CDKN2C: variants seen among roughly 807,000 people sequenced by gnomAD.
CDKN2C encodes the protein cyclin-dependent kinase 4 inhibitor C.
CDKN2C carries 5 observed loss-of-function variants against 11.0 expected under a neutral mutation model. The observed-to-expected ratio is 0.45, with a 90% CI of 0.24 to 0.95. The LOEUF (loss-of-function observed/expected upper bound fraction) is 0.95, where lower values mean the gene tolerates loss of function less well. Ranked by LOEUF, CDKN2C falls within the 40% of genes least tolerant of loss-of-function variation. The probability of loss-of-function intolerance (pLI) is 0.21; values close to 1 mark genes in which losing one functional copy is unlikely to be tolerated. For synonymous variants in CDKN2C, 79 were observed against 88.3 expected (o/e 0.89, Z 0.59); for missense variants, 161 against 211.9 (o/e 0.76, Z 1.49).
At chr1:50,964,087 CT>C (rs1324729547) in intron 1 of CDKN2C, among the ~76,000 whole-genome samples, 2 of 152,134 alleles carry the variant, frequency 1.3e-5, no homozygotes, top group East Asian at 3.9e-4. Context: ...GCCCATTTTT[CT>C]CTAATGTTAC....
At chr1:50,961,285 T>G (rs1645321019) in intron 1 of CDKN2C, among the ~76,000 whole-genome samples, 3 of 152,156 alleles carry the variant, frequency 2.0e-5, no homozygotes, top group Non-Finnish European at 4.4e-5. Context: ...TGATCCGCCC[T>G]CCTCGGCCTC....
At chr1:50,962,592 T>C (rs1645331452) in intron 1 of CDKN2C, among the ~76,000 whole-genome samples, 2 of 152,190 alleles carry the variant, frequency 1.3e-5, no homozygotes, top group African/African-American at 2.4e-5. Context: ...GTTGAGAGTT[T>C]TTCTCTGTAA....
upstream of CDKN2C, chr1:50,970,161 G>A: frequency 1.6e-6 from 1 of 624,984 alleles, no homozygotes; most frequent in Non-Finnish European, 2.8e-6. Flanking sequence ...CAATGGCTCA[G>A]TTTTGCTGAA....
intron 1 of CDKN2C, among the ~76,000 whole-genome samples, chr1:50,972,244 G>T (rs3176464): frequency 2.0e-5 from 3 of 151,878 alleles, no homozygotes; most frequent in African/African-American, 7.3e-5. Flanking sequence ...AGTTGTGGTC[G>T]TATCAATTTT....
upstream of CDKN2C, chr1:50,968,531 G>A (rs1023231855): frequency 2.6e-5 from 4 of 152,434 alleles, no homozygotes; most frequent in African/African-American, 7.2e-5. Flanking sequence ...CGGCAGGAGG[G>A]AGCCGGCGCG....
chr1:50,972,646 CAACT>C (rs1464159855), intron 1 of CDKN2C, among the ~76,000 whole-genome samples: 1 of 152,092 alleles, frequency 6.6e-6, no homozygotes, highest in African/African-American at 2.4e-5. Context: ...TATTTTTTCA[CAACT>C]AAATTATATG....
chr1:50,971,507 T>A (rs1645380158), intron 1 of CDKN2C, among the ~76,000 whole-genome samples: 1 of 152,226 alleles, frequency 6.6e-6, no homozygotes, highest in African/African-American at 2.4e-5. Flanking sequence ...TACACTGGCC[T>A]TGCAAAAATT....
intron 1 of CDKN2C, among the ~76,000 whole-genome samples, chr1:50,971,850 C>G (rs984710301): frequency 3.3e-5 from 5 of 152,108 alleles, no homozygotes; most frequent in Admixed American, 6.5e-5. Flanking sequence ...TTATATTAAA[C>G]ATACTTATCA....
In CDKN2C at chr1:50,974,218, T is replaced by C. The variant is rs773640451; in HGVS notation, c.455T>C (p.Val152Ala). Residue 152 changes from valine to alanine, a missense_variant, in exon 2 of 2, where the codon GTT becomes GCT. Transcript: ENST00000371761. ...DLARLYGRNEVVSLMQANGAG... is the reference protein window; with the variant it reads ...DLARLYGRNEAVSLMQANGAG... ...GCCAGGCTCTATGGGAGGAATGAGG[T>C]TGTTAGCCTGATGCAGGCAAACGGG... The C allele has an allele frequency of 6.3e-7, 1 of 1,599,876 alleles. No individual in the cohort carries two copies.
chr1:50,970,849 T>G (rs927296132), intron 1 of CDKN2C, among the ~76,000 whole-genome samples: 6 of 152,210 alleles, frequency 3.9e-5, no homozygotes, highest in Admixed American at 3.9e-4. Context: ...TTATGATTAT[T>G]ATTTGAAGTA....
intron 1 of CDKN2C, among the ~76,000 whole-genome samples, chr1:50,962,658 C>T (rs78028480): frequency 0.013 from 1,944 of 152,224 alleles, 37 homozygotes; most frequent in African/African-American, 0.043. Context: ...CTTTTTCTTT[C>T]CTTTCTCTCC....
intron 1 of CDKN2C, among the ~76,000 whole-genome samples, chr1:50,973,604 A>T (rs1012613256): frequency 6.6e-6 from 1 of 152,240 alleles, no homozygotes; most frequent in African/African-American, 2.4e-5. Context: ...CAGAATTGTT[A>T]GCAAATGCTA....
At chr1:50,973,786 T>C in intron 1 of CDKN2C, 107 bp from the exon 2 acceptor site, 1 of 1,376,838 alleles carries the variant, frequency 7.3e-7, no homozygotes, top group East Asian at 2.3e-5. Flanking sequence ...CCGCAAGAAC[T>C]CCATCAAAAA....
chr1:50,964,446 T>C (rs926875384), intron 1 of CDKN2C, among the ~76,000 whole-genome samples: 9 of 152,250 alleles, frequency 5.9e-5, no homozygotes, highest in Admixed American at 5.2e-4. Flanking sequence ...GAGTTATTAC[T>C]GGTAGTGATA....
intron 1 of CDKN2C, among the ~76,000 whole-genome samples, chr1:50,963,049 C>T (rs1645333183): frequency 1.3e-5 from 2 of 152,124 alleles, no homozygotes; most frequent in South Asian, 4.1e-4. Flanking sequence ...AACCTTAAAA[C>T]TCTCCAAACA....
At position 50,974,256 on chromosome 1, in the gene CDKN2C, A is replaced by T. The variant is rs763724438; in HGVS notation, c.493A>T (p.Thr165Ser). Residue 165 changes from threonine to serine, a missense_variant, in exon 2 of 2, where the codon ACA (threonine) becomes TCA (serine). By Grantham distance (58) the Thr-to-Ser change is moderately conservative. Transcript: ENST00000371761. Reference protein sequence around the residue: ...LMQANGAGGATNLQ With the variant: ...LMQANGAGGASNLQ ...GCAGGCAAACGGGGCTGGGGGAGCC[A>T]CAAATCTTCAATAAACGTGGGGAGG... 3 of 1,557,242 alleles carry T rather than the reference A, an allele frequency of 1.9e-6. No individual in the cohort carries two copies. The Admixed American group carries it at 5.8e-5, about 30-fold the overall frequency.
rs192110516 is a variant in CDKN2C at position 50,972,775 on chromosome 1, T to C, written c.130-1118T>C. On this transcript the variant is annotated intron_variant, in intron 1 of 1. Coordinates refer to ENST00000371761, the MANE Select transcript of CDKN2C (RefSeq NM_078626.3). ...GTTATGTGAATTATTTGTATGTTGA[T>C]AGCAAGTGTTAATACCACATTCTGA... Among the ~76,000 whole-genome samples, 365 of 152,276 alleles carry C rather than the reference T, an allele frequency of 2.4e-3. 4 individuals carry two copies. The highest frequency in any genetic ancestry group is 8.7e-3 in the African/African-American group (362 of 41,582).
Position 50,970,625 on chromosome 1 carries a change from A to C in CDKN2C, c.129+128A>C, listed in dbSNP as rs1481427905. On this transcript the variant is annotated intron_variant, in intron 1 of 1. Coordinates refer to ENST00000371761, the MANE Select transcript of CDKN2C (RefSeq NM_078626.3). ...CTGTTTTTAAACCTAGTTGGTTGCC[A>C]TATTTTATATCTTTAAGTGGATGCA... 3 of 1,074,018 alleles carry C rather than the reference A, an allele frequency of 2.8e-6. No homozygotes were observed. The East Asian group carries it at 7.2e-5, about 26-fold the overall frequency. 66.5% of individuals were successfully genotyped at this position (1,074,018 alleles called of 1,614,324 possible). A position where few individuals can be genotyped will look rare whatever the true frequency, so the allele number is the denominator to read the frequency against.
chr1:50,971,260 G>A (rs1204966605), intron 1 of CDKN2C, among the ~76,000 whole-genome samples: 4 of 152,156 alleles, frequency 2.6e-5, no homozygotes, highest in Non-Finnish European at 5.9e-5. Context: ...TAGGTGAAAG[G>A]CTTAGAAACA....
Sources: allele counts gnomAD v4.1 joint callset (sites outside exome capture counted in the v4.1 genomes callset), GRCh38; gene constraint gnomAD v4.1.1; transcripts MANE v1.5; gene names NCBI Gene and HGNC (gene_info 2026-07-23, HGNC 2026-07-21).